Variants in CPSF1 observed in about 807,000 individuals in gnomAD.
CPSF1 encodes cleavage and polyadenylation specific factor 1.
A neutral mutation model predicts 175.8 loss-of-function variants in CPSF1; 106 were observed. The ratio of observed to expected loss-of-function variants is 0.60; its 90% CI spans 0.52 to 0.71. The LOEUF is 0.71. Among genes scored for constraint, CPSF1 ranks in the 30% least tolerant of loss-of-function variants. The pLI is 0.00. For synonymous variants in CPSF1, 1,024 were observed against 858.3 expected (o/e 1.19, Z -3.37); for missense variants, 1,734 against 2,022.9 (o/e 0.86, Z 2.74).
At position 144,407,968 on chromosome 8, in the gene CPSF1, G is replaced by A. The variant is rs2116909802; in HGVS notation, c.144+1047C>T. On this transcript the variant is annotated intron_variant, in intron 2 of 37. Coordinates refer to ENST00000616140, the MANE Select transcript of CPSF1 (RefSeq NM_013291.3). ...ATGTGGTGAGGAACTGCGGCCTCCT[G>A]CCAATAGTGTGTTAGGAGCAGAAAC... is the stretch of plus-strand genomic sequence containing the variant. 1.3e-3 allele frequency among the ~76,000 whole-genome samples: 195 copies of A among 152,280 alleles called. 2 individuals carry two copies. Among genetic ancestry groups the A allele is most frequent in the African/African-American group, 4.1e-3 (172 of 41,560 alleles).
Position 144,395,010 on chromosome 8 carries a change from C to A in CPSF1, c.3286G>T (p.Glu1096Ter). 6.2e-7 allele frequency: 1 copy of A among 1,610,236 alleles called. No individual in the cohort carries two copies. The highest frequency in any genetic ancestry group is 1.1e-5 in the South Asian group (1 of 90,954). Residue 1096 changes from glutamate to a stop codon, truncating the protein, a stop_gained, in exon 30 of 38, where the codon GAG becomes TAG. Coordinates refer to ENST00000616140, the MANE Select transcript of CPSF1 (RefSeq NM_013291.3). LOFTEE classifies it high-confidence loss of function. ...TTCATGCAGGTCACATGCTCCCACT[C>A]CTGCAGCTCGATCCTGTGGGGGCCA... Reference protein sequence around the residue: ...AIPNARIELQEWEHVTCMKTV... With the variant: ...AIPNARIELQ
rs1195147771 is a variant in CPSF1, at chr8:144,396,732, T to G, written c.2692A>C (p.Asn898His). ...GGCTTCTTCTCACGGAAGTTGATGT[T>G]GTGAGGGACCTGGGGGGGAACCATG... ...LKVRFKKVPH[N>H]INFREKKPKP... The change falls in exon 25 of 38, where the codon AAC (asparagine) becomes CAC (histidine). Residue 898 changes from asparagine (N) to histidine (H), a missense_variant. Around this residue, in one of 10 missense-constraint regions of CPSF1, gnomAD observed 585 missense variants for 584.7 expected, o/e 1.00. Coordinates refer to ENST00000616140, the MANE Select transcript of CPSF1 (RefSeq NM_013291.3). 1.9e-6 allele frequency: 3 copies of G among 1,613,768 alleles called. No homozygotes were observed. In the African/African-American group the frequency reaches 4.0e-5, roughly 22 times the overall value.
rs188385554 is a variant in CPSF1 at position 144,394,585 on chromosome 8, C to T, written c.3568-30G>A. ...GGGCGAGGGCGAGGGTGAGCGGGCG[C>T]GGACGGGGAGCCGGGTGAGGGTGAG... On this transcript the variant is annotated intron_variant, in intron 31 of 37. Coordinates refer to ENST00000616140, the MANE Select transcript of CPSF1 (RefSeq NM_013291.3). 66 of 1,603,678 alleles carry T rather than the reference C, an allele frequency of 4.1e-5. No individual in the cohort carries two copies. The East Asian group carries it at 8.1e-4, about 20-fold the overall frequency.
intron 7 of CPSF1, 73 bp downstream of exon 7, chr8:144,400,598 C>A: frequency 6.3e-7 from 1 of 1,595,914 alleles, no homozygotes; most frequent in Non-Finnish European, 8.5e-7. Context: ...CCGCCCTAAA[C>A]CCCATGGGCC....
At position 144,400,069 on chromosome 8, in the gene CPSF1, C is replaced by T. The variant is rs140508019; in HGVS notation, c.954G>A (p.Val318=). Residue 318 remains valine, a synonymous_variant, in exon 10 of 38, where the codon GTG becomes GTA. Transcript: ENST00000616140. ...TAFPLRTQEG[V]RITLDCAQAT... is the part of the protein sequence containing the mutation. ...CCTGGGCGCAGTCCAGGGTGATCCG[C>T]ACACCCTCCTGGGTGCCTGTGGGGT... 4 of 1,611,792 alleles carry T rather than the reference C, an allele frequency of 2.5e-6. No homozygotes were observed. Among genetic ancestry groups the T allele is most frequent in the Non-Finnish European group, 1.7e-6 (2 of 1,179,828 alleles).
At position 144,398,844 on chromosome 8, in the gene CPSF1, T is replaced by A; in HGVS notation, c.1573A>T (p.Thr525Ser). The A allele has an allele frequency of 6.2e-7, 1 of 1,609,848 alleles. No homozygotes were observed. Among genetic ancestry groups the A allele is most frequent in the Non-Finnish European group, 8.5e-7 (1 of 1,177,044 alleles). Reference sequence around the variant, plus strand: ...TAGCAGCCGGGAAGCTCAAAGGTTGTCACCACCTGGGGCCGGATGCTCTTC... The same window carrying A: ...TAGCAGCCGGGAAGCTCAAAGGTTGACACCACCTGGGGCCGGATGCTCTTC... ...LQKSIRPQVV[T>S]TFELPGCYDM... is the part of the protein sequence containing the mutation. Residue 525 changes from threonine to serine, a missense_variant, in exon 17 of 38, where the codon ACA (threonine) becomes TCA (serine). Coordinates refer to ENST00000616140, the MANE Select transcript of CPSF1 (RefSeq NM_013291.3).
chr8:144,393,604 G>T lies in CPSF1; in HGVS notation c.4146-14C>A. 1 of 1,600,558 alleles carries T rather than the reference G, an allele frequency of 6.2e-7. No homozygotes were observed. On this transcript the variant is annotated splice_polypyrimidine_tract_variant and intron_variant, in intron 36 of 37. Coordinates refer to ENST00000616140, the MANE Select transcript of CPSF1 (RefSeq NM_013291.3). Reference sequence around the variant, plus strand: ...ACGTGCAGCATCCTGGGGCGTACAGGCACAGGTGTCAGGGCAGGCTGGGGT... The same window carrying T: ...ACGTGCAGCATCCTGGGGCGTACAGTCACAGGTGTCAGGGCAGGCTGGGGT...
intron 36 of CPSF1, 21 bp downstream of exon 36, chr8:144,393,646 G>T (rs781843073): frequency 6.4e-7 from 1 of 1,571,714 alleles, no homozygotes. Flanking sequence ...GGTGCTGCAC[G>T]GGGGCGGGGC....
At chr8:144,404,752 T>C (rs1821402991) in intron 2 of CPSF1, among the ~76,000 whole-genome samples, 1 of 150,352 alleles carries the variant, frequency 6.7e-6, no homozygotes, top group Non-Finnish European at 1.5e-5. Flanking sequence ...ACAGAATCAA[T>C]AGCTAAAGAA....
Position 144,399,409 on chromosome 8 carries a change from G to A in CPSF1, c.1295-36C>T. ...AGAGCCCACTTGAGCGCAGCCCTGG[G>A]TCACCTGGCCCCGCTCCTGACCAGC... On this transcript the variant is annotated intron_variant, in intron 13 of 37. Coordinates refer to ENST00000616140, the MANE Select transcript of CPSF1 (RefSeq NM_013291.3). The surrounding 1 kb of genome is among the most constrained non-coding windows in gnomAD (Gnocchi z 6.4). 1 of 1,612,766 alleles carries A rather than the reference G, an allele frequency of 6.2e-7. No individual in the cohort carries two copies. Among genetic ancestry groups the A allele is most frequent in the Non-Finnish European group, 8.5e-7 (1 of 1,179,926 alleles).
chr8:144,394,906 C>T lies in CPSF1; in HGVS notation c.3390G>A (p.Gly1130=), dbSNP rs776923310. ...YVAAGTCLMQ[G]EEVTCRGRIL... The stretch of plus-strand genomic sequence containing the variant: ...CCCGCCCTCGGCACGTGACCTCCTC[C>T]CCCTGCATGAGGCAGGTCCCGGCGG... The change falls in exon 30 of 38, where the codon GGG becomes GGA. Residue 1130 remains glycine (G), a synonymous_variant. Transcript: ENST00000616140. 1 of 1,612,494 alleles carries T rather than the reference C, an allele frequency of 6.2e-7. No individual in the cohort carries two copies. The highest frequency in any genetic ancestry group is 8.5e-7 in the Non-Finnish European group (1 of 1,179,730).
chr8:144,397,465 C>A (rs782182156), intron 22 of CPSF1, 22 bp downstream of exon 22: 30 of 1,597,918 alleles, frequency 1.9e-5, no homozygotes, highest in Non-Finnish European at 2.6e-5. Context: ...CCCGCTGGGC[C>A]ACAGTGCAGG....
At chr8:144,404,544 T>C (rs1474005532) in intron 2 of CPSF1, among the ~76,000 whole-genome samples, 2 of 150,686 alleles carry the variant, frequency 1.3e-5, no homozygotes, top group East Asian at 2.0e-4. Context: ...TTTTTTTTTG[T>C]ATTTTAGTAG....
Position 144,399,077 on chromosome 8 carries a change from C to G in CPSF1, c.1468-39G>C, listed in dbSNP as rs2116858125. The stretch of plus-strand genomic sequence containing the variant: ...GGGGGTGAGGACTATGCCCCCCACC[C>G]CCCCTCACACTCCAGCCCCTGCCCC... On this transcript the variant is annotated intron_variant, in intron 15 of 37. Coordinates refer to ENST00000616140, the MANE Select transcript of CPSF1 (RefSeq NM_013291.3). The surrounding 1 kb of genome is among the most constrained non-coding windows in gnomAD (Gnocchi z 6.4). The G allele has an allele frequency of 7.8e-6, 12 of 1,546,774 alleles. No individual in the cohort carries two copies. The East Asian group carries it at 2.9e-4, about 38-fold the overall frequency.
At chr8:144,407,993 C>T (rs1345468664) in intron 2 of CPSF1, among the ~76,000 whole-genome samples, 2 of 152,166 alleles carry the variant, frequency 1.3e-5, no homozygotes, top group Non-Finnish European at 2.9e-5. Flanking sequence ...GGAGCAGAAA[C>T]TCCAGCCCTC....
At chr8:144,395,882 C>T (rs1820690821) in intron 26 of CPSF1, 4 of 474,344 alleles carry the variant, frequency 8.4e-6, no homozygotes, top group South Asian at 7.0e-5. Flanking sequence ...CCAGGGCTGC[C>T]CTCTTTCATG....
Position 144,393,773 on chromosome 8 carries a change from G to C in CPSF1, c.4039C>G (p.Leu1347Val), listed in dbSNP as rs1284816338. 1 of 1,595,626 alleles carries C rather than the reference G, an allele frequency of 6.3e-7. No homozygotes were observed. The highest frequency in any genetic ancestry group is 1.7e-5 in the Admixed American group (1 of 58,772). Residue 1347 changes from leucine (L) to valine (V), a missense_variant, in exon 36 of 38, where the codon CTG becomes GTG. Physicochemically the swap from Leu to Val is conservative, Grantham distance 32. This residue lies in a region of CPSF1 where 323 missense variants were observed against 338.5 expected (regional missense o/e 0.95). Transcript: ENST00000616140. ...WFATLDGGIGLLLPMQEKTYR... is the reference protein window; with the variant it reads ...WFATLDGGIGVLLPMQEKTYR... The stretch of plus-strand genomic sequence containing the variant: ...GTCTTCTCCTGCATGGGCAGCAGCA[G>C]CCCGATGCCGCCGTCCAGGGTGGCT...
chr8:144,393,478 T>A lies in CPSF1; in HGVS notation c.4258A>T (p.Lys1420Ter). The change falls in exon 37 of 38, where the codon AAG becomes TAG. Residue 1420 changes from lysine (K) to a stop codon, truncating the protein, a stop_gained. Coordinates refer to ENST00000616140, the MANE Select transcript of CPSF1 (RefSeq NM_013291.3). LOFTEE classifies it high-confidence loss of function. The stretch of plus-strand genomic sequence containing the variant: ...ATGTCTGGTGTGGTGCCGATCTTCT[T>A]GGCTAGCTCGCTGCGCTCCATGGTG... Reference protein sequence around the residue: ...LSTMERSELAKKIGTTPDIIL... With the variant: ...LSTMERSELA 6.4e-7 allele frequency: 1 copy of A among 1,563,820 alleles called. No individual in the cohort carries two copies. Among genetic ancestry groups the A allele is most frequent in the Non-Finnish European group, 8.7e-7 (1 of 1,155,400 alleles).
chr8:144,399,747 C>A lies in CPSF1; in HGVS notation c.1119+34G>T. 1 of 1,597,514 alleles carries A rather than the reference C, an allele frequency of 6.3e-7. No homozygotes were observed. Among genetic ancestry groups the A allele is most frequent in the Non-Finnish European group, 8.5e-7 (1 of 1,172,512 alleles). ...CAGGTGTGTGATGGCTGGGCCGGGT[C>A]TGGACCCAGACCCAACCCCTAGTCC... On this transcript the variant is annotated intron_variant, in intron 11 of 37. Transcript: ENST00000616140. The surrounding 1 kb of genome is among the most constrained non-coding windows in gnomAD (Gnocchi z 6.4).
Sources: allele counts gnomAD v4.1 joint callset (sites outside exome capture counted in the v4.1 genomes callset), GRCh38; gene constraint gnomAD v4.1.1; regional missense constraint gnomAD v4.1.1; non-coding constraint Gnocchi (gnomAD v3.1); transcripts MANE v1.5; gene names NCBI Gene and HGNC (gene_info 2026-07-23, HGNC 2026-07-21).